Variants in SLAIN1 observed in about 807,000 individuals in gnomAD.
SLAIN1 encodes SLAIN family member 1.
SLAIN1 carries 17 observed loss-of-function variants against 55.4 expected under a neutral mutation model. The observed-to-expected ratio is 0.31, with a 90% CI of 0.21 to 0.46. The LOEUF is 0.46. SLAIN1 is among the 20% of genes least tolerant of loss of function. SLAIN1 has a pLI of 1.00. For synonymous variants in SLAIN1, 348 were observed against 337.4 expected (o/e 1.03, Z -0.35); for missense variants, 682 against 785.1 (o/e 0.87, Z 1.57).
intron 2 of SLAIN1, among the ~76,000 whole-genome samples, chr13:77,735,100 T>A (rs1566234593): frequency 6.6e-6 from 1 of 152,126 alleles, no homozygotes; most frequent in Non-Finnish European, 1.5e-5. Flanking sequence ...AACATTTCAT[T>A]AAAAAAAGTA....
intron 2 of SLAIN1, among the ~76,000 whole-genome samples, chr13:77,721,998 T>A (rs1348058497): frequency 7.3e-6 from 1 of 137,510 alleles, no homozygotes; most frequent in Non-Finnish European, 1.6e-5. Flanking sequence ...AAGGTTAGGT[T>A]TTTTTTTCTT....
chr13:77,739,779 G>T (rs1295252435), intron 2 of SLAIN1, among the ~76,000 whole-genome samples: 2 of 151,918 alleles, frequency 1.3e-5, no homozygotes, highest in Non-Finnish European at 2.9e-5. Flanking sequence ...GCCTTTTTAT[G>T]ATTTTCTTGA....
At chr13:77,728,694 A>T (rs2091330041) in intron 2 of SLAIN1, among the ~76,000 whole-genome samples, 1 of 152,220 alleles carries the variant, frequency 6.6e-6, no homozygotes, top group Admixed American at 6.5e-5. Context: ...AAAGTTGTAG[A>T]CTAATCCACA....
intron 1 of SLAIN1, among the ~76,000 whole-genome samples, chr13:77,711,857 C>A (rs1052170892): frequency 6.6e-6 from 1 of 152,196 alleles, no homozygotes; most frequent in African/African-American, 2.4e-5. Flanking sequence ...TCCAACAGCA[C>A]ATCAAAAAGC....
intron 1 of SLAIN1, among the ~76,000 whole-genome samples, chr13:77,701,240 TA>T (rs34985815): frequency 0.4 from 60,324 of 152,060 alleles, 13,130 homozygotes; most frequent in African/African-American, 0.57. Flanking sequence ...CACTTCCTGC[TA>T]AAAATGTCAT....
intron 1 of SLAIN1, among the ~76,000 whole-genome samples, chr13:77,713,822 C>T (rs1223257212): frequency 6.6e-6 from 1 of 152,098 alleles, no homozygotes; most frequent in Non-Finnish European, 1.5e-5. Context: ...ACATACACAC[C>T]ATGGAATACT....
chr13:77,718,688 G>C (rs2091231749), intron 1 of SLAIN1, among the ~76,000 whole-genome samples: 1 of 152,146 alleles, frequency 6.6e-6, no homozygotes, highest in Non-Finnish European at 1.5e-5. Context: ...GCTTATAGTA[G>C]TAAGGTGTCA....
chr13:77,726,170 T>TCCTTCA (rs1378369792), intron 2 of SLAIN1, among the ~76,000 whole-genome samples: 1 of 152,184 alleles, frequency 6.6e-6, no homozygotes, highest in African/African-American at 2.4e-5. Context: ...AGAAAGTTTT[T>TCCTTCA]TTTTCTGAAG....
chr13:77,753,414 A>C lies in SLAIN1; in HGVS notation c.1414+56A>C, dbSNP rs555708310. 130 of 985,316 alleles carry C rather than the reference A, an allele frequency of 1.3e-4. No homozygotes were observed. In the African/African-American group the frequency reaches 2.0e-3, roughly 15 times the overall value. 61.0% of individuals were successfully genotyped at this position (985,316 alleles called of 1,614,324 possible). A position where few individuals can be genotyped will look rare whatever the true frequency, so the allele number is the denominator to read the frequency against. On this transcript the variant is annotated intron_variant, in intron 5 of 6. Transcript: ENST00000418532. ...TTGTATAATTGTATAATTTTTTATA[A>C]TTTTTAATTGTAAGGAAAATGTCTG...
chr13:77,753,008 C>T (rs1455152729), intron 4 of SLAIN1, among the ~76,000 whole-genome samples, 195 bp from the exon 5 acceptor site: 1 of 152,172 alleles, frequency 6.6e-6, no homozygotes, highest in South Asian at 2.1e-4. Flanking sequence ...AACCATCACA[C>T]ATGCTTATTT....
At chr13:77,755,956 CA>C (rs1874570340) in intron 5 of SLAIN1, among the ~76,000 whole-genome samples, 1 of 152,062 alleles carries the variant, frequency 6.6e-6, no homozygotes. Flanking sequence ...GGTTCTGGGC[CA>C]TTTTGCTTTC....
chr13:77,749,958 G>A (rs1480415544), intron 4 of SLAIN1, among the ~76,000 whole-genome samples: 2 of 152,162 alleles, frequency 1.3e-5, no homozygotes, highest in South Asian at 2.1e-4. Context: ...CAAATGTAAC[G>A]TATGGACCTT....
At chr13:77,743,294 A>C in intron 2 of SLAIN1, 1 of 693,164 alleles carries the variant, frequency 1.4e-6, no homozygotes, top group South Asian at 1.9e-5. Context: ...CTGCACACTT[A>C]CTTTGGGTAC....
intron 2 of SLAIN1, among the ~76,000 whole-genome samples, chr13:77,728,014 G>A (rs975266626): frequency 2.0e-5 from 3 of 152,102 alleles, no homozygotes; most frequent in Admixed American, 6.6e-5. Flanking sequence ...ACAAATACAG[G>A]TATTTGTTAG....
chr13:77,711,604 G>C lies in SLAIN1; in HGVS notation c.627-7928G>C, dbSNP rs148848512. 2.7e-4 allele frequency among the ~76,000 whole-genome samples: 41 copies of C among 152,182 alleles called. No homozygotes were observed. In the East Asian group the frequency reaches 7.1e-3, roughly 27 times the overall value. On this transcript the variant is annotated intron_variant, in intron 1 of 6. Coordinates refer to ENST00000418532, the MANE Select transcript of SLAIN1 (RefSeq NM_001242868.2). ...ATTAATAACCTATCAACCAAAAAAA[G>C]CCCAGGATCAGATGGATTCAGAGCC...
At chr13:77,758,040 A>C (rs1874731088) in intron 5 of SLAIN1, among the ~76,000 whole-genome samples, 1 of 151,824 alleles carries the variant, frequency 6.6e-6, no homozygotes, top group Admixed American at 6.6e-5. Flanking sequence ...ACTAATTTAC[A>C]CTCCCACCAG....
At chr13:77,724,976 C>T (rs773238113) in intron 2 of SLAIN1, among the ~76,000 whole-genome samples, 2 of 152,068 alleles carry the variant, frequency 1.3e-5, no homozygotes, top group Non-Finnish European at 2.9e-5. Context: ...ATAAATTGCC[C>T]AAGGGAATGG....
intron 1 of SLAIN1, among the ~76,000 whole-genome samples, chr13:77,701,948 T>C (rs181733494): frequency 0.012 from 1,525 of 130,794 alleles, 27 homozygotes; most frequent in African/African-American, 0.042. Context: ...CCCCAGAATG[T>C]GATATTCCCC....
intron 2 of SLAIN1, among the ~76,000 whole-genome samples, chr13:77,722,609 T>C (rs930569837): frequency 2.0e-5 from 3 of 152,230 alleles, no homozygotes; most frequent in Admixed American, 6.5e-5. Context: ...GAAGATTTAA[T>C]TCTTTTACAC....
Sources: gnomAD v4.1 joint callset for allele counts (sites outside exome capture counted in the v4.1 genomes callset) on GRCh38, gnomAD v4.1.1 for gene constraint, MANE v1.5 for transcripts, NCBI Gene and HGNC (gene_info 2026-07-23, HGNC 2026-07-21) for gene names.